The following TAFA2 variants were observed in gnomAD, a reference collection of about 807,000 sequenced individuals.
TAFA2 encodes the protein chemokine-like protein TAFA-2.
A neutral mutation model predicts 18.8 loss-of-function variants in TAFA2; 7 were observed. The ratio of observed to expected loss-of-function variants is 0.37; its 90% confidence interval spans 0.21 to 0.70. The LOEUF is 0.70. Among genes scored for constraint, TAFA2 ranks in the 30% least tolerant of loss-of-function variants. The probability of loss-of-function intolerance (pLI) is 0.53; values close to 1 mark genes in which losing one functional copy is unlikely to be tolerated. For synonymous variants in TAFA2, 60 were observed against 54.2 expected (o/e 1.11, Z -0.47); for missense variants, 122 against 158.1 (o/e 0.77, Z 1.23).
intron 1 of TAFA2, among the ~76,000 whole-genome samples, chr12:61,946,243 T>G (rs1592505751): frequency 6.6e-6 from 1 of 150,954 alleles, no homozygotes; most frequent in Non-Finnish European, 1.5e-5. Flanking sequence ...CTGGGAAAAC[T>G]GGCTAGCCAT....
chr12:61,752,773 A>C (rs1282268541), intron 4 of TAFA2, among the ~76,000 whole-genome samples: 3 of 152,168 alleles, frequency 2.0e-5, no homozygotes, highest in African/African-American at 7.2e-5. Flanking sequence ...TATATCAAGT[A>C]GTATTGTAAA....
At chr12:61,915,435 T>C (rs766419031) in intron 1 of TAFA2, among the ~76,000 whole-genome samples, 2 of 152,216 alleles carry the variant, frequency 1.3e-5, no homozygotes, top group African/African-American at 2.4e-5. Flanking sequence ...CTGAGCCATG[T>C]GTATTAGCCA....
chr12:61,781,256 G>A (rs556046224), intron 2 of TAFA2, among the ~76,000 whole-genome samples: 1 of 151,654 alleles, frequency 6.6e-6, no homozygotes, highest in Non-Finnish European at 1.5e-5. Context: ...AGGGAATGTG[G>A]AGGAGAATAA....
At chr12:61,897,451 A>G (rs941959072) in intron 1 of TAFA2, among the ~76,000 whole-genome samples, 3 of 152,142 alleles carry the variant, frequency 2.0e-5, no homozygotes, top group Non-Finnish European at 4.4e-5. Context: ...AGTTTAATTG[A>G]CTCACAGTGC....
intron 1 of TAFA2, among the ~76,000 whole-genome samples, chr12:62,179,400 C>T (rs2062536850): frequency 1.3e-5 from 2 of 152,114 alleles, no homozygotes; most frequent in Admixed American, 1.3e-4. Flanking sequence ...ATCTAAGTAA[C>T]CATTAAATCC....
chr12:62,109,467 T>G (rs548254756), intron 1 of TAFA2, among the ~76,000 whole-genome samples: 1 of 152,322 alleles, frequency 6.6e-6, no homozygotes, highest in South Asian at 2.1e-4. Flanking sequence ...ATGCCGGCTC[T>G]TTTTTGGTTT....
intron 1 of TAFA2, among the ~76,000 whole-genome samples, chr12:62,100,239 A>G (rs931057537): frequency 6.6e-6 from 1 of 151,876 alleles, no homozygotes; most frequent in African/African-American, 2.4e-5. Context: ...TTTAACTATT[A>G]TATGTTCATT....
intron 1 of TAFA2, among the ~76,000 whole-genome samples, chr12:62,065,033 A>G (rs1882449774): frequency 6.6e-6 from 1 of 152,018 alleles, no homozygotes; most frequent in Non-Finnish European, 1.5e-5. Flanking sequence ...GCTACATATA[A>G]TATTACTTTA....
intron 1 of TAFA2, among the ~76,000 whole-genome samples, chr12:62,078,551 A>C (rs1225908579): frequency 2.0e-5 from 3 of 151,894 alleles, no homozygotes; most frequent in African/African-American, 7.3e-5. Flanking sequence ...TGTAGATTTA[A>C]CAGGCCAATG....
chr12:61,720,377 C>T (rs563735676), intron 4 of TAFA2, among the ~76,000 whole-genome samples: 2 of 152,232 alleles, frequency 1.3e-5, no homozygotes, highest in Admixed American at 1.3e-4. Context: ...TTGTAGTATC[C>T]ATTTCCTATT....
At chr12:62,095,723 T>C (rs910590950) in intron 1 of TAFA2, among the ~76,000 whole-genome samples, 1 of 152,132 alleles carries the variant, frequency 6.6e-6, no homozygotes, top group Non-Finnish European at 1.5e-5. Flanking sequence ...CATTCAACCC[T>C]ACCATAATAT....
intron 1 of TAFA2, among the ~76,000 whole-genome samples, chr12:62,155,504 A>T (rs1389924739): frequency 1.3e-5 from 2 of 152,212 alleles, no homozygotes; most frequent in Non-Finnish European, 2.9e-5. Flanking sequence ...ACTAAGCAAA[A>T]TGAACAAACC....
At chr12:62,060,501 T>A (rs978951909) in intron 1 of TAFA2, among the ~76,000 whole-genome samples, 7 of 152,174 alleles carry the variant, frequency 4.6e-5, no homozygotes, top group Non-Finnish European at 8.8e-5. Context: ...ACATAATACT[T>A]AATAATAACA....
At chr12:62,221,681 C>G (rs1352279625) in intron 1 of TAFA2, among the ~76,000 whole-genome samples, 1 of 151,924 alleles carries the variant, frequency 6.6e-6, no homozygotes, top group Non-Finnish European at 1.5e-5. Context: ...GAATCAATTC[C>G]AGGAGGATCA....
At position 62,192,352 on chromosome 12, in the gene TAFA2, G is replaced by A. The variant is rs2136962838; in HGVS notation, c.-1095C>T. The A allele has an allele frequency of 6.6e-6, 1 of 152,330 alleles. No individual in the cohort carries two copies. Among genetic ancestry groups the A allele is most frequent in the Middle Eastern group, 3.4e-3 (1 of 298 alleles). 9.4% of individuals were successfully genotyped at this position (152,330 alleles called of 1,614,324 possible). A position where few individuals can be genotyped will look rare whatever the true frequency, so the allele number is the denominator to read the frequency against. ...GCGAGTTCCAACATCGAACACAAGCGAGCAGGTGTCGCCTGTGTCACTTTG... is the reference window on the plus strand; with the variant it reads ...GCGAGTTCCAACATCGAACACAAGCAAGCAGGTGTCGCCTGTGTCACTTTG... On this transcript the variant is annotated 5_prime_UTR_variant, in exon 1 of 5. Transcript: ENST00000416284.
intron 1 of TAFA2, among the ~76,000 whole-genome samples, chr12:62,238,195 G>A (rs2062846615): frequency 6.6e-6 from 1 of 152,200 alleles, no homozygotes; most frequent in African/African-American, 2.4e-5. Flanking sequence ...GCAGATGGAA[G>A]GAGGGGCTTG....
At chr12:62,058,855 G>A (rs1882259869) in intron 1 of TAFA2, among the ~76,000 whole-genome samples, 2 of 152,182 alleles carry the variant, frequency 1.3e-5, no homozygotes, top group African/African-American at 4.8e-5. Flanking sequence ...TGTAATCCCA[G>A]CACTTTGGGA....
At chr12:62,244,006 T>G (rs1355226523) in intron 1 of TAFA2, among the ~76,000 whole-genome samples, 1 of 152,022 alleles carries the variant, frequency 6.6e-6, no homozygotes, top group East Asian at 1.9e-4. Flanking sequence ...CCCAGGCTTG[T>G]CTCTAACTAC....
At chr12:62,224,046 GATGA>G (rs1389664587) in intron 1 of TAFA2, among the ~76,000 whole-genome samples, 1 of 150,066 alleles carries the variant, frequency 6.7e-6, no homozygotes, top group Non-Finnish European at 1.5e-5. Context: ...TCCATCAATG[GATGA>G]ATGAATAAAC....
Sources: allele counts gnomAD v4.1 joint callset (sites outside exome capture counted in the v4.1 genomes callset), GRCh38; gene constraint gnomAD v4.1.1; transcripts MANE v1.5; gene names NCBI Gene and HGNC (gene_info 2026-07-23, HGNC 2026-07-21).